The following FIG4 variants were observed in gnomAD, a reference collection of about 807,000 sequenced individuals.
FIG4 encodes FIG4 phosphoinositide 5-phosphatase, also known as polyphosphoinositide phosphatase.
A neutral mutation model predicts 118.6 loss-of-function variants in FIG4; 112 were observed. The ratio of observed to expected loss-of-function variants is 0.94; its 90% CI spans 0.81 to 1.11. FIG4 has a LOEUF of 1.11. FIG4 is among the 50% of genes least tolerant of loss of function. The pLI, the probability that FIG4 is intolerant of heterozygous loss-of-function variation, is 0.00. For synonymous variants in FIG4, 369 were observed against 381.2 expected (o/e 0.97, Z 0.37); for missense variants, 969 against 1,111.7 (o/e 0.87, Z 1.83).
At chr6:109,729,513 T>C (rs1775918070) in intron 4 of FIG4, among the ~76,000 whole-genome samples, 2 of 152,042 alleles carry the variant, frequency 1.3e-5, no homozygotes, top group African/African-American at 4.8e-5. Flanking sequence ...GCATAAAGCT[T>C]GAAAAGAAAA....
chr6:109,717,377 CCTTTA>C (rs1397582682), intron 3 of FIG4, among the ~76,000 whole-genome samples: 7 of 152,172 alleles, frequency 4.6e-5, no homozygotes, highest in African/African-American at 1.4e-4. Flanking sequence ...TGTAATAACT[CCTTTA>C]CTTTAGCAAG....
At chr6:109,719,230 G>A (rs1775531732) in intron 3 of FIG4, among the ~76,000 whole-genome samples, 1 of 152,060 alleles carries the variant, frequency 6.6e-6, no homozygotes, top group South Asian at 2.1e-4. Flanking sequence ...CAACTTTTTT[G>A]ATAGGCATTT....
chr6:109,736,261 A>C (rs1445909520), intron 6 of FIG4, among the ~76,000 whole-genome samples: 1 of 152,176 alleles, frequency 6.6e-6, no homozygotes, highest in Non-Finnish European at 1.5e-5. Flanking sequence ...CAGCACTCTC[A>C]AAAAGAGGCT....
intron 19 of FIG4, among the ~76,000 whole-genome samples, chr6:109,790,184 A>C (rs1778098441): frequency 1.3e-5 from 2 of 152,170 alleles, no homozygotes; most frequent in East Asian, 3.9e-4. Context: ...CTGGCATGAG[A>C]ACCTCTTTCC....
chr6:109,700,042 T>C (rs1165386322), intron 1 of FIG4, among the ~76,000 whole-genome samples: 2 of 152,172 alleles, frequency 1.3e-5, no homozygotes, highest in African/African-American at 4.8e-5. Flanking sequence ...AGGGCTCTGC[T>C]CTCAGGACTG....
At chr6:109,750,098 A>G (rs1034273739) in intron 10 of FIG4, among the ~76,000 whole-genome samples, 16 of 152,334 alleles carry the variant, frequency 1.1e-4, no homozygotes, top group African/African-American at 3.1e-4. Context: ...CTACCACCAT[A>G]TGAAGAAGTT....
rs561728979 is a variant in FIG4 at position 109,782,565 on chromosome 6, C to T, written c.1890-2405C>T. 2.0e-5 allele frequency among the ~76,000 whole-genome samples: 3 copies of T among 151,552 alleles called. No homozygotes were observed. In the East Asian group the frequency reaches 5.9e-4, roughly 30 times the overall value. Reference sequence around the variant, plus strand: ...AACACATTTTTTGTAATGTCTACTTCTTCTTCCTAAGCAAGCTGATTGTAA... The same window carrying T: ...AACACATTTTTTGTAATGTCTACTTTTTCTTCCTAAGCAAGCTGATTGTAA... On this transcript the variant is annotated intron_variant, in intron 16 of 22. Coordinates refer to ENST00000230124, the MANE Select transcript of FIG4 (RefSeq NM_014845.6).
chr6:109,800,989 C>T (rs1343440796), intron 22 of FIG4, among the ~76,000 whole-genome samples: 1 of 152,138 alleles, frequency 6.6e-6, no homozygotes, highest in Admixed American at 6.5e-5. Context: ...CAGTGATTCA[C>T]TATATTCGTG....
intron 1 of FIG4, among the ~76,000 whole-genome samples, chr6:109,697,352 A>T (rs1347476899): frequency 6.6e-6 from 1 of 152,116 alleles, no homozygotes; most frequent in African/African-American, 2.4e-5. Flanking sequence ...TCAGGGTCTC[A>T]TGAAGTCGCA....
At chr6:109,823,312 G>A (rs1327192152) in intron 22 of FIG4, among the ~76,000 whole-genome samples, 1 of 152,114 alleles carries the variant, frequency 6.6e-6, no homozygotes, top group East Asian at 1.9e-4. Flanking sequence ...TAAAGACCCA[G>A]CCTACTCTGA....
chr6:109,823,990 A>T (rs999225253), intron 22 of FIG4, among the ~76,000 whole-genome samples: 1 of 152,056 alleles, frequency 6.6e-6, no homozygotes, highest in East Asian at 1.9e-4. Flanking sequence ...GTGTGCATGC[A>T]CACTCCGTAC....
At chr6:109,755,197 C>CA (rs1776847363) in intron 10 of FIG4, among the ~76,000 whole-genome samples, 1 of 152,120 alleles carries the variant, frequency 6.6e-6, no homozygotes, top group Non-Finnish European at 1.5e-5. Context: ...GTTATGTACC[C>CA]AGTAGTCATT....
chr6:109,785,083 T>G, intron 17 of FIG4, 55 bp downstream of exon 17: 1 of 960,404 alleles, frequency 1.0e-6, no homozygotes, highest in Admixed American at 1.7e-5. Context: ...GCATTATACC[T>G]TAATGAACTT....
At chr6:109,742,234 G>C (rs922457851) in intron 8 of FIG4, among the ~76,000 whole-genome samples, 5 of 152,022 alleles carry the variant, frequency 3.3e-5, no homozygotes, top group African/African-American at 1.2e-4. Flanking sequence ...CTCATCACGG[G>C]AAGTCAATTC....
chr6:109,744,951 T>C (rs1252974520), intron 10 of FIG4, among the ~76,000 whole-genome samples: 1 of 152,260 alleles, frequency 6.6e-6, no homozygotes, highest in South Asian at 2.1e-4. Context: ...TTCATCCATG[T>C]CCCTGCAAAG....
chr6:109,777,057 G>T lies in FIG4; in HGVS notation c.1886G>T (p.Arg629Ile). The change falls in exon 16 of 23, where the codon AGA (arginine) becomes ATA (isoleucine). Residue 629 changes from arginine (R) to isoleucine (I), a missense_variant. Arg to Ile is a moderately conservative substitution (Grantham distance 97). Coordinates refer to ENST00000230124, the MANE Select transcript of FIG4 (RefSeq NM_014845.6). ...KNTMRLLPTRRSYTYWWTPEV... is the reference protein window; with the variant it reads ...KNTMRLLPTRISYTYWWTPEV... ...ACCATGAGACTTTTGCCAACAAGAA[G>T]AAGGTATTTTTCTTCCTAGTCTGTA... The T allele has an allele frequency of 6.2e-7, 1 of 1,613,210 alleles. No individual in the cohort carries two copies. The highest frequency in any genetic ancestry group is 8.5e-7 in the Non-Finnish European group (1 of 1,179,270).
chr6:109,753,220 G>A (rs1319235441), intron 10 of FIG4, among the ~76,000 whole-genome samples: 1 of 152,102 alleles, frequency 6.6e-6, no homozygotes, highest in African/African-American at 2.4e-5. Flanking sequence ...GAGATCAGAC[G>A]AGATCGGGCG....
At chr6:109,738,146 T>C (rs1776214087) in intron 6 of FIG4, among the ~76,000 whole-genome samples, 179 bp from the exon 7 acceptor site, 1 of 152,194 alleles carries the variant, frequency 6.6e-6, no homozygotes, top group South Asian at 2.1e-4. Context: ...AGGAATGATA[T>C]CCACTGAAAA....
chr6:109,722,778 A>T (rs909049197), intron 3 of FIG4, among the ~76,000 whole-genome samples: 7 of 152,084 alleles, frequency 4.6e-5, no homozygotes, highest in African/African-American at 1.7e-4. Flanking sequence ...CCTGGAGTAG[A>T]GCCTCTACCC....
Sources: allele counts gnomAD v4.1 joint callset (sites outside exome capture counted in the v4.1 genomes callset), GRCh38; gene constraint gnomAD v4.1.1; transcripts MANE v1.5; gene names NCBI Gene and HGNC (gene_info 2026-07-23, HGNC 2026-07-21).